The following CISD3 variants were observed in gnomAD, a reference collection of about 807,000 sequenced individuals.
CISD3 encodes CDGSH iron-sulfur domain-containing protein 3, mitochondrial.
In CISD3, 11 loss-of-function variants were observed where a neutral mutation model predicts 14.1. The observed-to-expected ratio is 0.78, with a 90% CI of 0.49 to 1.29. The LOEUF is 1.29. Ranked by LOEUF, CISD3 falls within the 50% of genes most tolerant of loss-of-function variation. The pLI is 0.00. For missense variants in CISD3, 156 were observed against 171.6 expected (o/e 0.91, Z 0.51); for synonymous variants, 53 against 69.2 (o/e 0.77, Z 1.16).
chr17:38,735,434 G>A lies in CISD3; in HGVS notation c.*1979G>A. 6.3e-7 allele frequency: 1 copy of A among 1,581,974 alleles called. No homozygotes were observed. Among genetic ancestry groups the A allele is most frequent in the Middle Eastern group, 1.7e-4 (1 of 6,022 alleles). On this transcript the variant is annotated 3_prime_UTR_variant, in exon 4 of 4. Coordinates refer to ENST00000613478, the MANE Select transcript of CISD3 (RefSeq NM_001136498.2). ...GGATGGGGTGGCTGGGCTGGGCAGG[G>A]AGGAGGAGGTGGCTGGCAGGGTGGC...
chr17:38,730,749 G>T lies in CISD3; in HGVS notation c.49-11G>T. ...GTCTTGTGATGCCTGCCATGCTTGC[G>T]TACCTTGCAGGACCTGAACCCGCGG... On this transcript the variant is annotated splice_polypyrimidine_tract_variant and intron_variant, in intron 1 of 3. Coordinates refer to ENST00000613478, the MANE Select transcript of CISD3 (RefSeq NM_001136498.2). 1 of 1,551,522 alleles carries T rather than the reference G, an allele frequency of 6.4e-7. No homozygotes were observed. Among genetic ancestry groups the T allele is most frequent in the Non-Finnish European group, 8.7e-7 (1 of 1,146,906 alleles).
chr17:38,732,609 C>G (rs560960844), intron 3 of CISD3, among the ~76,000 whole-genome samples: 1 of 152,246 alleles, frequency 6.6e-6, no homozygotes, highest in African/African-American at 2.4e-5. Context: ...TGCACTCCAG[C>G]CTGGGCAACA....
intron 3 of CISD3, chr17:38,731,802 AG>A: frequency 6.8e-5 from 17 of 250,836 alleles, no homozygotes; most frequent in South Asian, 4.1e-4. Context: ...GAACCCCAAA[AG>A]CCTACAGCAC....
At chr17:38,731,253 G>A (rs1906320644) in intron 2 of CISD3, 67 bp from the exon 3 acceptor site, 1 of 1,531,086 alleles carries the variant, frequency 6.5e-7, no homozygotes, top group African/African-American at 1.4e-5. Flanking sequence ...ACTAGGAAGG[G>A]TCGCAGGCCG....
At position 38,735,454 on chromosome 17, in the gene CISD3, G is replaced by T. The variant is rs1311312439; in HGVS notation, c.*1999G>T. On this transcript the variant is annotated 3_prime_UTR_variant, in exon 4 of 4. Transcript: ENST00000613478. ...GCAGGGAGGAGGAGGTGGCTGGCAGGGTGGCAGGGCTGGGAGCCTTGTCGC... is the reference window on the plus strand; with the variant it reads ...GCAGGGAGGAGGAGGTGGCTGGCAGTGTGGCAGGGCTGGGAGCCTTGTCGC... 1.3e-6 allele frequency: 2 copies of T among 1,588,552 alleles called. No individual in the cohort carries two copies. The highest frequency in any genetic ancestry group is 2.3e-5 in the East Asian group (1 of 43,560).
At chr17:38,730,895 A>G in intron 2 of CISD3, 100 bp downstream of exon 2, 1 of 1,296,270 alleles carries the variant, frequency 7.7e-7, no homozygotes, top group Non-Finnish European at 1.1e-6. Flanking sequence ...GTACAGGCCT[A>G]TTCCCTGGAG....
Position 38,731,363 on chromosome 17 carries a change from T to C in CISD3, c.128T>C (p.Leu43Pro), listed in dbSNP as rs755126040. 2 of 1,551,626 alleles carry C rather than the reference T, an allele frequency of 1.3e-6. No individual in the cohort carries two copies. The highest frequency in any genetic ancestry group is 2.4e-5 in the South Asian group (2 of 84,052). The change falls in exon 3 of 4, where the codon CTG (leucine) becomes CCG (proline). Residue 43 changes from leucine to proline, a missense_variant. Leu to Pro is a moderately conservative substitution (Grantham distance 98, BLOSUM62 -3). Coordinates refer to ENST00000613478, the MANE Select transcript of CISD3 (RefSeq NM_001136498.2). Reference protein sequence around the residue: ...PRTPARSVVALKTPIKVELVA... With the variant: ...PRTPARSVVAPKTPIKVELVA... ...ACCCCAGCCAGGTCCGTGGTGGCCC[T>C]GAAGACCCCCATCAAGGTGGAGCTG...
At chr17:38,731,793 A>ATACGGCG in intron 3 of CISD3, 13 of 269,924 alleles carry the variant, frequency 4.8e-5, no homozygotes, top group South Asian at 2.7e-4. Flanking sequence ...CCAGGCCTTG[A>ATACGGCG]ACCCCAAAAG....
chr17:38,732,938 GACACACAC>G (rs148830489), intron 3 of CISD3, among the ~76,000 whole-genome samples: 1 of 116,570 alleles, frequency 8.6e-6, no homozygotes, highest in South Asian at 2.7e-4. Flanking sequence ...GAGACTCAGA[GACACACAC>G]ACACACACAC....
In CISD3 at chr17:38,735,528, G is replaced by A. The variant is rs1478818214; in HGVS notation, c.*2073G>A. The A allele has an allele frequency of 1.3e-6, 2 of 1,590,436 alleles. No individual in the cohort carries two copies. Among genetic ancestry groups the A allele is most frequent in the Non-Finnish European group, 8.6e-7 (1 of 1,168,538 alleles). ...CCGCTGGTGTTGGTGCCCTCGGAGG[G>A]GGTGGGCACCGTGGCTAGGGTGAGC... On this transcript the variant is annotated 3_prime_UTR_variant, in exon 4 of 4. Coordinates refer to ENST00000613478, the MANE Select transcript of CISD3 (RefSeq NM_001136498.2).
rs747546989 is a variant in CISD3, at chr17:38,735,183, T to G, written c.*1728T>G. 26 of 1,285,516 alleles carry G rather than the reference T, an allele frequency of 2.0e-5. No homozygotes were observed. Among genetic ancestry groups the G allele is most frequent in the South Asian group, 1.0e-4 (4 of 39,514 alleles). 79.6% of individuals were successfully genotyped at this position (1,285,516 alleles called of 1,614,324 possible). On this transcript the variant is annotated 3_prime_UTR_variant, in exon 4 of 4. Coordinates refer to ENST00000613478, the MANE Select transcript of CISD3 (RefSeq NM_001136498.2). ...AAGGGCCCAGAAAAAGTGGAAGGAG[T>G]GGAGAGGCTTGGCTGGAAGAAGGGA...
In CISD3 at chr17:38,735,016, T is replaced by C. The variant is rs996760735; in HGVS notation, c.*1561T>C. The C allele has an allele frequency of 1.5e-5, 6 of 394,576 alleles. No individual in the cohort carries two copies. Among genetic ancestry groups the C allele is most frequent in the Admixed American group, 1.3e-4 (3 of 22,832 alleles). The allele number at this position is 394,576 out of a possible 1,614,324, so 24.4% of individuals were successfully genotyped here. A position where few individuals can be genotyped will look rare whatever the true frequency, so the allele number is the denominator to read the frequency against. ...CACATAAAGTTTGTTTCCTGTGGCA[T>C]TTAAATTAATCTGGTTGGTCCATAG... On this transcript the variant is annotated 3_prime_UTR_variant, in exon 4 of 4. Coordinates refer to ENST00000613478, the MANE Select transcript of CISD3 (RefSeq NM_001136498.2).
chr17:38,730,897 T>A, intron 2 of CISD3, 102 bp downstream of exon 2: 1 of 1,257,280 alleles, frequency 8.0e-7, no homozygotes, highest in South Asian at 1.3e-5. Flanking sequence ...ACAGGCCTAT[T>A]CCCTGGAGTT....
At chr17:38,732,422 C>T (rs955448039) in intron 3 of CISD3, among the ~76,000 whole-genome samples, 4 of 152,138 alleles carry the variant, frequency 2.6e-5, no homozygotes, top group African/African-American at 9.7e-5. Context: ...CTTTTGAGTC[C>T]AGGAGTTCAA....
Position 38,735,237 on chromosome 17 carries a change from G to T in CISD3, c.*1782G>T, listed in dbSNP as rs1208938665. The T allele has an allele frequency of 5.6e-6, 8 of 1,441,154 alleles. No individual in the cohort carries two copies. Among genetic ancestry groups the T allele is most frequent in the African/African-American group, 1.4e-5 (1 of 70,322 alleles). The allele number at this position is 1,441,154 out of a possible 1,614,324, so 89.3% of individuals were successfully genotyped here. ...GGTCCCTGGCCTCAAGTTAAGGGGG[G>T]CACGGGAGCGCCGTTGACAGTCATC... is the stretch of plus-strand genomic sequence containing the variant. On this transcript the variant is annotated 3_prime_UTR_variant, in exon 4 of 4. Coordinates refer to ENST00000613478, the MANE Select transcript of CISD3 (RefSeq NM_001136498.2).
rs550763601 is a variant in CISD3, at chr17:38,733,361, T to C, written c.290T>C (p.Leu97Pro). The C allele has an allele frequency of 4.9e-5, 76 of 1,551,696 alleles. No homozygotes were observed. In the African/African-American group the frequency reaches 9.6e-4, roughly 20 times the overall value. The change falls in exon 4 of 4, where the codon CTC (leucine) becomes CCC (proline). Residue 97 changes from leucine (L) to proline (P), a missense_variant. Coordinates refer to ENST00000613478, the MANE Select transcript of CISD3 (RefSeq NM_001136498.2). ...GCCCAAGAGACCCGCATGGTGGCACTCTGTACCTGCAAGGCCACTCAGAGG... is the reference window on the plus strand; with the variant it reads ...GCCCAAGAGACCCGCATGGTGGCACCCTGTACCTGCAAGGCCACTCAGAGG... ...FKAQETRMVA[L>P]CTCKATQRPP...
intron 3 of CISD3, among the ~76,000 whole-genome samples, chr17:38,732,949 ACACACACACACACACACACT>A (rs1041418772): frequency 8.1e-5 from 9 of 110,854 alleles, no homozygotes; most frequent in African/African-American, 2.6e-4. Flanking sequence ...ACACACACAC[ACACACACACACACACACACT>A]CACACTCTAT....
chr17:38,733,529 G>A lies in CISD3; in HGVS notation c.*74G>A. ...ACAGGCACCCCCTTCTGTGGGAAAG[G>A]AAACAGGTGCTGAGCCCAAGAGACT... is the stretch of plus-strand genomic sequence containing the variant. On this transcript the variant is annotated 3_prime_UTR_variant, in exon 4 of 4. Transcript: ENST00000613478. 1 of 1,396,038 alleles carries A rather than the reference G, an allele frequency of 7.2e-7. No homozygotes were observed. Among genetic ancestry groups the A allele is most frequent in the Non-Finnish European group, 9.5e-7 (1 of 1,053,440 alleles). 86.5% of individuals were successfully genotyped at this position (1,396,038 alleles called of 1,614,324 possible). A position where few individuals can be genotyped will look rare whatever the true frequency, so the allele number is the denominator to read the frequency against.
rs1906460611 is a variant in CISD3, at chr17:38,733,729, G to C, written c.*274G>C. On this transcript the variant is annotated 3_prime_UTR_variant, in exon 4 of 4. Coordinates refer to ENST00000613478, the MANE Select transcript of CISD3 (RefSeq NM_001136498.2). Reference sequence around the variant, plus strand: ...GCAGTCACTGCTATGAGGCCCACGTGCTGCCTCCTGCTCCAGATTTTAACC... The same window carrying C: ...GCAGTCACTGCTATGAGGCCCACGTCCTGCCTCCTGCTCCAGATTTTAACC... 2 of 409,396 alleles carry C rather than the reference G, an allele frequency of 4.9e-6. No homozygotes were observed. Among genetic ancestry groups the C allele is most frequent in the South Asian group, 1.0e-4 (2 of 19,754 alleles). The allele number at this position is 409,396 out of a possible 1,614,324, so 25.4% of individuals were successfully genotyped here. A position where few individuals can be genotyped will look rare whatever the true frequency, so the allele number is the denominator to read the frequency against.
Sources: allele counts gnomAD v4.1 joint callset (sites outside exome capture counted in the v4.1 genomes callset), GRCh38; gene constraint gnomAD v4.1.1; transcripts MANE v1.5; gene names NCBI Gene and HGNC (gene_info 2026-07-23, HGNC 2026-07-21).